The following EEPD1 variants were observed in gnomAD, a reference collection of about 807,000 sequenced individuals.
EEPD1 encodes endonuclease/exonuclease/phosphatase family domain-containing protein 1.
EEPD1 carries 17 observed loss-of-function variants against 46.3 expected under a neutral mutation model. That is an observed-to-expected ratio of 0.37 (90% CI 0.25 to 0.55). The LOEUF (loss-of-function observed/expected upper bound fraction) is 0.55, where lower values mean the gene tolerates loss of function less well. Among genes scored for constraint, EEPD1 ranks in the 20% least tolerant of loss-of-function variants. EEPD1 has a pLI of 0.83. For missense variants in EEPD1, 673 were observed against 745.6 expected (o/e 0.90, Z 1.13); for synonymous variants, 313 against 315.6 (o/e 0.99, Z 0.09).
intron 3 of EEPD1, among the ~76,000 whole-genome samples, chr7:36,275,335 A>G (rs1787166116): frequency 6.6e-6 from 1 of 152,228 alleles, no homozygotes; most frequent in Non-Finnish European, 1.5e-5. Flanking sequence ...ACAGAGTCCC[A>G]GGTTGCATTT....
chr7:36,237,556 G>A (rs913572353), intron 2 of EEPD1, among the ~76,000 whole-genome samples: 4 of 152,214 alleles, frequency 2.6e-5, no homozygotes, highest in African/African-American at 9.7e-5. Context: ...GGGTCCCCAT[G>A]TAGACCCCAA....
intron 2 of EEPD1, among the ~76,000 whole-genome samples, chr7:36,209,615 G>A (rs962494518): frequency 5.3e-5 from 8 of 151,974 alleles, no homozygotes; most frequent in Admixed American, 2.6e-4. Flanking sequence ...ACTGAATACC[G>A]CGGGCCAGAG....
intron 2 of EEPD1, among the ~76,000 whole-genome samples, chr7:36,175,516 A>G (rs2726109): frequency 0.98 from 149,339 of 152,184 alleles, 73,322 homozygotes; most frequent in East Asian, 1. Context: ...ACAGGGGTGA[A>G]CCATTGTGCC....
intron 2 of EEPD1, among the ~76,000 whole-genome samples, chr7:36,215,897 G>A (rs1233690553): frequency 6.6e-6 from 1 of 152,234 alleles, no homozygotes; most frequent in Non-Finnish European, 1.5e-5. Context: ...ACTTCTGTGG[G>A]TAAGTCTTCC....
intron 3 of EEPD1, among the ~76,000 whole-genome samples, chr7:36,260,946 A>G (rs1786911720): frequency 6.6e-6 from 1 of 152,240 alleles, no homozygotes; most frequent in African/African-American, 2.4e-5. Context: ...TGTATTAGGT[A>G]TTATAAGTAA....
chr7:36,270,286 T>A (rs986792474), intron 3 of EEPD1, among the ~76,000 whole-genome samples: 60 of 152,212 alleles, frequency 3.9e-4, no homozygotes, highest in African/African-American at 1.4e-3. Flanking sequence ...TGTATTTATT[T>A]ATAGCAGGAC....
At chr7:36,284,883 C>T in intron 5 of EEPD1, 63 bp downstream of exon 5, 7 of 1,426,036 alleles carry the variant, frequency 4.9e-6, no homozygotes, top group Non-Finnish European at 6.4e-6. Context: ...AAGAAAAGGG[C>T]TCATTTTGTA....
At chr7:36,234,240 G>T (rs1447680050) in intron 2 of EEPD1, among the ~76,000 whole-genome samples, 2 of 152,086 alleles carry the variant, frequency 1.3e-5, no homozygotes, top group African/African-American at 2.4e-5. Flanking sequence ...TGGTGTTGGT[G>T]GTTTCTTATA....
chr7:36,197,662 AATGGATT>A, intron 2 of EEPD1, among the ~76,000 whole-genome samples: 1 of 152,276 alleles, frequency 6.6e-6, no homozygotes, highest in South Asian at 2.1e-4. Flanking sequence ...CTCAGGGTTA[AATGGATT>A]AAGGGCGGTG....
intron 6 of EEPD1, among the ~76,000 whole-genome samples, chr7:36,290,568 G>T (rs1291801150): frequency 6.6e-6 from 1 of 152,156 alleles, no homozygotes; most frequent in African/African-American, 2.4e-5. Flanking sequence ...CAAGCTCCGG[G>T]CCTTTCTGCC....
intron 3 of EEPD1, among the ~76,000 whole-genome samples, chr7:36,278,831 G>A (rs1364834557): frequency 6.6e-6 from 1 of 152,178 alleles, no homozygotes; most frequent in Non-Finnish European, 1.5e-5. Context: ...CATCTGGCCA[G>A]GGGGACTTAT....
At chr7:36,258,377 T>C (rs542479147) in intron 3 of EEPD1, among the ~76,000 whole-genome samples, 13 of 152,198 alleles carry the variant, frequency 8.5e-5, no homozygotes, top group Non-Finnish European at 1.8e-4. Context: ...CACTGCTCTC[T>C]TAAGAGCTGG....
At chr7:36,236,193 G>A (rs1394189834) in intron 2 of EEPD1, among the ~76,000 whole-genome samples, 1 of 152,220 alleles carries the variant, frequency 6.6e-6, no homozygotes, top group South Asian at 2.1e-4. Context: ...CTCTGGCCGC[G>A]CTCAAGGAGC....
intron 3 of EEPD1, among the ~76,000 whole-genome samples, chr7:36,279,537 C>T (rs991889463): frequency 1.3e-5 from 2 of 152,184 alleles, no homozygotes; most frequent in African/African-American, 4.8e-5. Flanking sequence ...CTGGCCTCTC[C>T]CAACCATTGT....
intron 2 of EEPD1, among the ~76,000 whole-genome samples, chr7:36,166,217 T>C (rs1023545130): frequency 2.0e-5 from 3 of 152,230 alleles, no homozygotes; most frequent in Admixed American, 2.0e-4. Context: ...CAAGACTGTT[T>C]GGAGTTGATT....
At chr7:36,235,296 G>A (rs1786413717) in intron 2 of EEPD1, among the ~76,000 whole-genome samples, 1 of 152,206 alleles carries the variant, frequency 6.6e-6, no homozygotes, top group Middle Eastern at 3.2e-3. Flanking sequence ...ATGTCAAAAA[G>A]GGGAAAATAC....
chr7:36,236,973 T>C (rs1786459342), intron 2 of EEPD1, among the ~76,000 whole-genome samples: 1 of 152,244 alleles, frequency 6.6e-6, no homozygotes. Context: ...GTTCTTTTGC[T>C]CTTCGCAATA....
intron 2 of EEPD1, among the ~76,000 whole-genome samples, chr7:36,177,712 GTTGT>G (rs551071420): frequency 1.1e-4 from 16 of 152,030 alleles, no homozygotes; most frequent in Middle Eastern, 3.4e-3. Flanking sequence ...TAGCTGTTTT[GTTGT>G]TTGTTTGTTT....
chr7:36,156,713 C>T (rs1252613602), intron 2 of EEPD1, among the ~76,000 whole-genome samples: 2 of 152,092 alleles, frequency 1.3e-5, no homozygotes, highest in Non-Finnish European at 2.9e-5. Flanking sequence ...AAGTGTGGTC[C>T]CCCCTGGGGA....
Sources: gnomAD v4.1 joint callset for allele counts (sites outside exome capture counted in the v4.1 genomes callset) on GRCh38, gnomAD v4.1.1 for gene constraint, MANE v1.5 for transcripts, NCBI Gene and HGNC (gene_info 2026-07-23, HGNC 2026-07-21) for gene names.